PCDHGA5: variants seen among roughly 807,000 people sequenced by gnomAD.
PCDHGA5 encodes the protein protocadherin gamma-A5.
PCDHGA5 carries 36 observed loss-of-function variants against 56.7 expected under a neutral mutation model. The ratio of observed to expected loss-of-function variants is 0.64; its 90% confidence interval spans 0.49 to 0.84. PCDHGA5 has a LOEUF of 0.84. Among genes scored for constraint, PCDHGA5 ranks in the 40% least tolerant of loss-of-function variants. The pLI, the probability that PCDHGA5 is intolerant of heterozygous loss-of-function variation, is 0.00. For missense variants in PCDHGA5, 1,305 were observed against 1,201.5 expected, an observed-to-expected ratio of 1.09 and a Z score of -1.27; for synonymous variants, 563 against 520.2, an observed-to-expected ratio of 1.08 and a Z score of -1.12.
rs1298679649 is a variant in PCDHGA5 at position 141,365,280 on chromosome 5, T to C, written c.950T>C (p.Met317Thr). The change falls in exon 1 of 4, where the codon ATG (methionine) becomes ACG (threonine). Residue 317 changes from methionine to threonine, a missense_variant. By Grantham distance (81) the Met-to-Thr change is moderately conservative (BLOSUM62 -1). Transcript: ENST00000518069. ...TATGAAGAATCCAGATTCTACCTCA[T>C]GGAAGTGGTAGCTCAGGATGGAGGC... ...LDYEESRFYL[M>T]EVVAQDGGAL... is the part of the protein sequence containing the mutation. 2 of 1,614,018 alleles carry C rather than the reference T, an allele frequency of 1.2e-6. No homozygotes were observed. Among genetic ancestry groups the C allele is most frequent in the Admixed American group, 1.7e-5 (1 of 60,020 alleles).
rs201895231 is a variant in PCDHGA5 at position 141,392,844 on chromosome 5, G to A, written c.2421+26093G>A. On this transcript the variant is annotated intron_variant, in intron 1 of 3. Coordinates refer to ENST00000518069, the MANE Select transcript of PCDHGA5 (RefSeq NM_018918.3). ...CGCTCCACAGAGTCGCCCCAGACGC[G>A]GCGAGCTGATCCTGCTGTGCGCGCT... The A allele has an allele frequency of 1.3e-5, 21 of 1,609,468 alleles. 1 individual carries two copies. The East Asian group carries it at 1.6e-4, about 12-fold the overall frequency.
Position 141,399,777 on chromosome 5 carries a change from C to T in PCDHGA5, c.2421+33026C>T, listed in dbSNP as rs751610227. On this transcript the variant is annotated intron_variant, in intron 1 of 3. Transcript: ENST00000518069. ...TGAGCCTGCGCGTGTTGGTGGGCGA[C>T]CGAAACGACAACGCACCGCGGGTGC... The T allele has an allele frequency of 3.7e-6, 6 of 1,613,304 alleles. No homozygotes were observed. The Admixed American group carries it at 8.3e-5, about 22-fold the overall frequency.
At chr5:141,371,693 C>T in intron 1 of PCDHGA5, 1 of 1,614,066 alleles carries the variant, frequency 6.2e-7, no homozygotes, top group Non-Finnish European at 8.5e-7. Context: ...CACCGCTCTC[C>T]TCCAGCAAGA....
intron 1 of PCDHGA5, among the ~76,000 whole-genome samples, chr5:141,455,408 G>A (rs1024760282): frequency 6.6e-6 from 1 of 152,150 alleles, no homozygotes; most frequent in Non-Finnish European, 1.5e-5. Context: ...TACAGAGACA[G>A]AGGGAGCGGG....
intron 1 of PCDHGA5, chr5:141,423,648 G>A (rs1291261924): frequency 2.5e-6 from 4 of 1,590,008 alleles, no homozygotes; most frequent in Middle Eastern, 1.7e-4. Flanking sequence ...AATGTGACCC[G>A]ACAAGTAATC....
intron 1 of PCDHGA5, chr5:141,409,926 T>G: frequency 6.2e-7 from 1 of 1,613,344 alleles, no homozygotes; most frequent in Non-Finnish European, 8.5e-7. Flanking sequence ...TCCGCGTTCT[T>G]CGATATGGTA....
chr5:141,415,434 C>T, intron 1 of PCDHGA5: 2 of 1,614,192 alleles, frequency 1.2e-6, no homozygotes, highest in Non-Finnish European at 1.7e-6. Context: ...TTCGGGCTTT[C>T]CTGCAGACCT....
intron 1 of PCDHGA5, chr5:141,371,738 C>T: frequency 1.2e-6 from 2 of 1,614,052 alleles, no homozygotes; most frequent in Non-Finnish European, 1.7e-6. Context: ...TCAACGACAA[C>T]GTTCCCGTTT....
In PCDHGA5 at chr5:141,370,028, G is replaced by A. The variant is rs549001136; in HGVS notation, c.2421+3277G>A. 2.6e-4 allele frequency among the ~76,000 whole-genome samples: 39 copies of A among 152,344 alleles called. No homozygotes were observed. In the South Asian group the frequency reaches 7.9e-3, roughly 31 times the overall value. On this transcript the variant is annotated intron_variant, in intron 1 of 3. Transcript: ENST00000518069. Reference sequence around the variant, plus strand: ...AAAGAAATAACAGACTAAAGATATAGTAAGTATATTTAATGTTTTTTAAAA... The same window carrying A: ...AAAGAAATAACAGACTAAAGATATAATAAGTATATTTAATGTTTTTTAAAA...
At position 141,503,509 on chromosome 5, in the gene PCDHGA5, G is replaced by A. The variant is rs373282648; in HGVS notation, c.2481-1884G>A. ...AGCTGCTCAAGAGGCTGAGGCAGGA[G>A]AATCACTTGAACCTGGGAGGCAGAG... On this transcript the variant is annotated intron_variant, in intron 2 of 3. Transcript: ENST00000518069. Among the ~76,000 whole-genome samples the A allele has an allele frequency of 9.4e-5, 14 of 149,410 alleles. No individual in the cohort carries two copies. The South Asian group carries it at 1.5e-3, about 16-fold the overall frequency.
chr5:141,374,994 C>T, intron 1 of PCDHGA5: 1 of 1,614,038 alleles, frequency 6.2e-7, no homozygotes, highest in Non-Finnish European at 8.5e-7. Context: ...ATTTCAACTT[C>T]TGCAAATCTA....
Position 141,364,392 on chromosome 5 carries a change from G to A in PCDHGA5, c.62G>A (p.Gly21Glu). Residue 21 changes from glycine (G) to glutamate (E), a missense_variant, in exon 1 of 4, where the codon GGG becomes GAG. By Grantham distance (98) the Gly-to-Glu change is moderately conservative (BLOSUM62 -2). Transcript: ENST00000518069. ...CTGCTGCTGCCCTTCATGCTCCTGG[G>A]GACGCTGTGCGAGCCAGGATCCGGG... ...GELLLPFMLL[G>E]TLCEPGSGQI... 6.2e-7 allele frequency: 1 copy of A among 1,603,098 alleles called. No homozygotes were observed. Among genetic ancestry groups the A allele is most frequent in the East Asian group, 2.2e-5 (1 of 44,796 alleles).
intron 1 of PCDHGA5, among the ~76,000 whole-genome samples, chr5:141,456,935 C>T (rs894385178): frequency 5.9e-5 from 9 of 152,178 alleles, no homozygotes; most frequent in African/African-American, 2.2e-4. Context: ...TGCACTCCAG[C>T]CTGGGCAACA....
intron 1 of PCDHGA5, 63 bp from the exon 2 acceptor site, chr5:141,494,744 G>T: frequency 6.2e-7 from 1 of 1,612,702 alleles, no homozygotes; most frequent in South Asian, 1.1e-5. Flanking sequence ...CATCCCTAGG[G>T]GCTCGGGTGA....
chr5:141,403,592 G>A (rs779516418), intron 1 of PCDHGA5: 1 of 1,613,850 alleles, frequency 6.2e-7, no homozygotes, highest in Non-Finnish European at 8.5e-7. Flanking sequence ...GGTCCTCACG[G>A]CCTCGGATGG....
chr5:141,409,736 G>A (rs1053484390), intron 1 of PCDHGA5: 3 of 1,613,110 alleles, frequency 1.9e-6, no homozygotes, highest in Non-Finnish European at 2.5e-6. Flanking sequence ...CGCGCAGAGC[G>A]GGGTGGTGTT....
At chr5:141,378,339 A>G (rs62378424) in intron 1 of PCDHGA5, 5,525 of 152,288 alleles carry the variant, frequency 0.036, 122 homozygotes, top group Middle Eastern at 0.092. Flanking sequence ...CCTGACCAAC[A>G]TGGTGAAACC....
In PCDHGA5 at chr5:141,430,720, T is replaced by C. The variant is rs369549088; in HGVS notation, c.2421+63969T>C. On this transcript the variant is annotated intron_variant, in intron 1 of 3. Transcript: ENST00000518069. ...AAGGAACTGCTCCTGACTTCAGTGG[T>C]TAAGGGCAGAATTGAAAATAATTCT... The C allele has an allele frequency of 4.9e-4, 734 of 1,486,386 alleles. 1 individual carries two copies. Among genetic ancestry groups the C allele is most frequent in the Middle Eastern group, 9.1e-4 (5 of 5,506 alleles). The allele number at this position is 1,486,386 out of a possible 1,614,324, so 92.1% of individuals were successfully genotyped here.
rs745334496 is a variant in PCDHGA5 at position 141,478,302 on chromosome 5, C to A, written c.2422-16505C>A. 47 of 1,613,952 alleles carry A rather than the reference C, an allele frequency of 2.9e-5. 1 individual carries two copies. In the Admixed American group the frequency reaches 7.0e-4, roughly 24 times the overall value. On this transcript the variant is annotated intron_variant, in intron 1 of 3. Transcript: ENST00000518069. ...AAGCAGTCTAGAGACCTATACCGAGCCCCGGTGAGCTCACTGTACCGAACA... is the reference window on the plus strand; with the variant it reads ...AAGCAGTCTAGAGACCTATACCGAGACCCGGTGAGCTCACTGTACCGAACA...
Sources: gnomAD v4.1 joint callset for allele counts (sites outside exome capture counted in the v4.1 genomes callset) on GRCh38, gnomAD v4.1.1 for gene constraint, MANE v1.5 for transcripts, NCBI Gene and HGNC (gene_info 2026-07-23, HGNC 2026-07-21) for gene names.